Variants in PREX2 observed in about 807,000 individuals in gnomAD.
The protein encoded by PREX2 is phosphatidylinositol 3,4,5-trisphosphate-dependent Rac exchanger 2 protein.
A neutral mutation model predicts 203.2 loss-of-function variants in PREX2; 107 were observed. That is an observed-to-expected ratio of 0.53 (90% CI 0.45 to 0.62). The LOEUF (loss-of-function observed/expected upper bound fraction) is 0.62, where lower values mean the gene tolerates loss of function less well. PREX2 is among the 20% of genes least tolerant of loss of function. PREX2 has a pLI of 0.00. For synonymous variants in PREX2, 672 were observed against 663.6 expected (o/e 1.01, Z -0.19); for missense variants, 1,777 against 1,955.9 (o/e 0.91, Z 1.72).
At chr8:68,021,087 T>G (rs1366585624) in intron 3 of PREX2, among the ~76,000 whole-genome samples, 1 of 152,288 alleles carries the variant, frequency 6.6e-6, no homozygotes, top group East Asian at 1.9e-4. Context: ...TGAGAAAATC[T>G]TACAAATAGA....
chr8:68,164,775 T>G (rs942137363), intron 35 of PREX2, among the ~76,000 whole-genome samples: 38 of 151,722 alleles, frequency 2.5e-4, no homozygotes, highest in African/African-American at 8.0e-4. Context: ...AGAGGCAGGG[T>G]TTCTCCATGT....
chr8:68,162,782 C>T (rs942002659), intron 35 of PREX2, among the ~76,000 whole-genome samples: 2 of 152,186 alleles, frequency 1.3e-5, no homozygotes, highest in Non-Finnish European at 2.9e-5. Context: ...GTGGTCTAGG[C>T]TCTGAGGACT....
At chr8:68,080,336 A>C in intron 15 of PREX2, 107 bp from the exon 16 acceptor site, 1 of 953,970 alleles carries the variant, frequency 1.0e-6, no homozygotes, top group Non-Finnish European at 1.6e-6. Flanking sequence ...TAGGAGTATA[A>C]AGTTGAGGTT....
At chr8:68,231,235 CAA>C in intron 39 of PREX2, 96 bp from the exon 40 acceptor site, 1 of 860,692 alleles carries the variant, frequency 1.2e-6, no homozygotes, top group Middle Eastern at 2.4e-4. Flanking sequence ...ACTCACGAAA[CAA>C]GAAATTATCA....
intron 36 of PREX2, 82 bp from the exon 37 acceptor site, chr8:68,192,253 A>C (rs1444540740): frequency 9.5e-7 from 1 of 1,050,042 alleles, no homozygotes; most frequent in Non-Finnish European, 1.4e-6. Flanking sequence ...ATTTTAGACT[A>C]TTCTTTAACA....
At chr8:68,067,151 T>A (rs1276065977) in intron 11 of PREX2, among the ~76,000 whole-genome samples, 31 of 152,076 alleles carry the variant, frequency 2.0e-4, no homozygotes, top group Admixed American at 2.0e-3. Flanking sequence ...AAGTCAGTAA[T>A]GTCATGCCTT....
At chr8:68,028,891 G>A (rs888108380) in intron 5 of PREX2, among the ~76,000 whole-genome samples, 3 of 151,990 alleles carry the variant, frequency 2.0e-5, no homozygotes, top group Non-Finnish European at 2.9e-5. Context: ...AGAAAGCATC[G>A]TGGATTTATC....
At chr8:68,155,727 A>G (rs1316243004) in intron 34 of PREX2, among the ~76,000 whole-genome samples, 1 of 152,218 alleles carries the variant, frequency 6.6e-6, no homozygotes, top group East Asian at 1.9e-4. Flanking sequence ...CATTCCTGTT[A>G]CTGGCAACCT....
intron 1 of PREX2, among the ~76,000 whole-genome samples, chr8:67,980,361 A>T (rs1806230624): frequency 1.3e-5 from 2 of 151,314 alleles, no homozygotes; most frequent in South Asian, 4.3e-4. Context: ...TGTGGAATTG[A>T]TAGGAGTTGA....
At chr8:68,075,635 C>T (rs1487914238) in intron 14 of PREX2, among the ~76,000 whole-genome samples, 1 of 152,160 alleles carries the variant, frequency 6.6e-6, no homozygotes, top group Non-Finnish European at 1.5e-5. Context: ...TGCATTACCT[C>T]AGAGCAGGGA....
intron 14 of PREX2, among the ~76,000 whole-genome samples, chr8:68,073,802 T>C (rs1563530590): frequency 6.6e-6 from 1 of 152,148 alleles, no homozygotes; most frequent in Non-Finnish European, 1.5e-5. Context: ...GTATGATGTG[T>C]TGATTACGTG....
intron 1 of PREX2, among the ~76,000 whole-genome samples, chr8:68,001,834 T>C (rs188720563): frequency 5.9e-5 from 9 of 152,252 alleles, no homozygotes; most frequent in East Asian, 1.9e-4. Flanking sequence ...AGCAAACTAA[T>C]GCAGGAACAG....
chr8:68,073,180 A>C (rs1335181947), intron 14 of PREX2, among the ~76,000 whole-genome samples: 1 of 151,152 alleles, frequency 6.6e-6, no homozygotes, highest in Admixed American at 6.6e-5. Context: ...TCAAAAGTTT[A>C]AGTATTGGTA....
At chr8:68,000,827 T>A (rs1806916538) in intron 1 of PREX2, among the ~76,000 whole-genome samples, 1 of 151,984 alleles carries the variant, frequency 6.6e-6, no homozygotes, top group East Asian at 1.9e-4. Flanking sequence ...TTGACAAAGA[T>A]GACAAAAACA....
At position 68,053,189 on chromosome 8, in the gene PREX2, C is replaced by T. The variant is rs771284983; in HGVS notation, c.1036C>T (p.Pro346Ser). 1 of 1,613,438 alleles carries T rather than the reference C, an allele frequency of 6.2e-7. No homozygotes were observed. The highest frequency in any genetic ancestry group is 1.7e-5 in the Admixed American group (1 of 59,986). Residue 346 changes from proline (P) to serine (S), a missense_variant, in exon 9 of 40, where the codon CCT becomes TCT. Pro to Ser is a moderately conservative substitution (Grantham distance 74). Coordinates refer to ENST00000288368, the MANE Select transcript of PREX2 (RefSeq NM_024870.4). ...ATGGTTTGTTTGTATGGCAAAAACA[C>T]CTGAAGAGAAGCATGAATGGTTTGA... is the stretch of plus-strand genomic sequence containing the variant. ...NKWFVCMAKT[P>S]EEKHEWFEAI...
At position 68,077,435 on chromosome 8, in the gene PREX2, C is replaced by T. The variant is rs370472977; in HGVS notation, c.1608C>T (p.Gly536=). Residue 536 remains glycine (G), a synonymous_variant, in exon 15 of 40, where the codon GGC becomes GGT. Transcript: ENST00000288368. ...CCAGAGAAGAGGCAATGATATTTGG[C>T]GTTGGACTCTGTGACAATGGATTTA... ...CRTREEAMIF[G]VGLCDNGFMH... 3.1e-6 allele frequency: 5 copies of T among 1,613,548 alleles called. No individual in the cohort carries two copies. In the African/African-American group the frequency reaches 4.0e-5, roughly 13 times the overall value.
intron 1 of PREX2, among the ~76,000 whole-genome samples, chr8:68,010,421 T>G: frequency 6.6e-6 from 1 of 152,214 alleles, no homozygotes; most frequent in Non-Finnish European, 1.5e-5. Flanking sequence ...TACCCTTTAG[T>G]TCTGTTCTCT....
At chr8:68,148,401 TTC>T (rs1811369331) in intron 34 of PREX2, among the ~76,000 whole-genome samples, 1 of 152,236 alleles carries the variant, frequency 6.6e-6, no homozygotes, top group Non-Finnish European at 1.5e-5. Context: ...TTTCCTTTAT[TTC>T]TCTCTTCTTA....
chr8:67,952,129 G>A lies in PREX2; in HGVS notation c.-266G>A. 1 of 324,286 alleles carries A rather than the reference G, an allele frequency of 3.1e-6. No homozygotes were observed. The highest frequency in any genetic ancestry group is 5.2e-5 in the East Asian group (1 of 19,302). The allele number at this position is 324,286 out of a possible 1,614,324, so 20.1% of individuals were successfully genotyped here. ...CCCGGCCGTGTGAGGCCAGAGCAGC[G>A]GGGCCGGGCGCGCAGGGCCTGGCCG... On this transcript the variant is annotated 5_prime_UTR_variant, in exon 1 of 40. Transcript: ENST00000288368.
Sources: allele counts gnomAD v4.1 joint callset (sites outside exome capture counted in the v4.1 genomes callset), GRCh38; gene constraint gnomAD v4.1.1; transcripts MANE v1.5; gene names NCBI Gene and HGNC (gene_info 2026-07-23, HGNC 2026-07-21).